The following PSTPIP1 variants were observed in gnomAD, a reference collection of about 807,000 sequenced individuals.
PSTPIP1 encodes the protein proline-serine-threonine phosphatase interacting protein 1.
In PSTPIP1, 66 loss-of-function variants were observed where a neutral mutation model predicts 69.6. That is an observed-to-expected ratio of 0.95 (90% CI 0.78 to 1.16). The LOEUF is 1.16. Ranked by LOEUF, PSTPIP1 falls within the 50% of genes most tolerant of loss-of-function variation. The probability of loss-of-function intolerance (pLI) is 0.00; values close to 1 mark genes in which losing one functional copy is unlikely to be tolerated. For synonymous variants in PSTPIP1, 266 were observed against 222.7 expected (o/e 1.19, Z -1.73); for missense variants, 603 against 557.4 (o/e 1.08, Z -0.82).
At position 77,035,498 on chromosome 15, in the gene PSTPIP1, C is replaced by A; in HGVS notation, c.930-10C>A. On this transcript the variant is annotated splice_polypyrimidine_tract_variant and intron_variant, in intron 12 of 14. Coordinates refer to ENST00000558012, the MANE Select transcript of PSTPIP1 (RefSeq NM_003978.5). ...CGGGGACACTCACCCTCTTTCCTCC[C>A]TGTTCCCAGGTTCTCTGGACTGCTG... 1 of 1,586,564 alleles carries A rather than the reference C, an allele frequency of 6.3e-7. No homozygotes were observed. The highest frequency in any genetic ancestry group is 8.6e-7 in the Non-Finnish European group (1 of 1,166,780).
At chr15:77,033,078 T>C (rs1324760005) in intron 12 of PSTPIP1, 126 bp downstream of exon 12, 3 of 966,768 alleles carry the variant, frequency 3.1e-6, no homozygotes, top group Non-Finnish European at 4.7e-6. Context: ...GGTGCCCAGT[T>C]TAGGTGCTGG....
intron 7 of PSTPIP1, 72 bp downstream of exon 7, chr15:77,028,724 G>A (rs190463341): frequency 9.6e-6 from 12 of 1,254,316 alleles, no homozygotes; most frequent in South Asian, 4.7e-5. Context: ...AAGGGGTGCC[G>A]TAGACACCCC....
intron 1 of PSTPIP1, among the ~76,000 whole-genome samples, chr15:77,008,261 G>A (rs2075860468): frequency 6.6e-6 from 1 of 152,154 alleles, no homozygotes; most frequent in Non-Finnish European, 1.5e-5. Flanking sequence ...AGGTGTGGCT[G>A]GTGCCAGGAC....
intron 1 of PSTPIP1, among the ~76,000 whole-genome samples, chr15:77,000,476 T>TATATACACAC (rs1033258180): frequency 1.4e-5 from 2 of 146,886 alleles, no homozygotes; most frequent in Admixed American, 1.4e-4. Flanking sequence ...TATATATATA[T>TATATACACAC]ACACACACAC....
intron 1 of PSTPIP1, among the ~76,000 whole-genome samples, chr15:77,012,288 C>A (rs1371631285): frequency 6.6e-6 from 1 of 150,376 alleles, no homozygotes. Flanking sequence ...CATCCACCCA[C>A]CCATCTACCC....
chr15:76,996,452 G>C (rs1178448814), intron 1 of PSTPIP1, among the ~76,000 whole-genome samples: 1 of 152,192 alleles, frequency 6.6e-6, no homozygotes, highest in African/African-American at 2.4e-5. Flanking sequence ...TCTCTGGTTG[G>C]AGCTGGGGAA....
At position 77,035,908 on chromosome 15, in the gene PSTPIP1, C is replaced by T; in HGVS notation, c.1092C>T (p.Tyr364=). ...ACCCGGCCTCACCAGCCCAGGAGTACCGGGCGCTCTACGATTATACAGCGC... is the reference window on the plus strand; with the variant it reads ...ACCCGGCCTCACCAGCCCAGGAGTATCGGGCGCTCTACGATTATACAGCGC... The part of the protein sequence containing the change: ...QGNPASPAQE[Y]RALYDYTAQN... The change falls in exon 14 of 15, where the codon TAC becomes TAT. Residue 364 remains tyrosine, a synonymous_variant. Transcript: ENST00000558012. The T allele has an allele frequency of 6.2e-7, 1 of 1,608,710 alleles. No homozygotes were observed. Among genetic ancestry groups the T allele is most frequent in the Non-Finnish European group, 8.5e-7 (1 of 1,178,914 alleles).
intron 3 of PSTPIP1, chr15:77,023,665 G>A (rs2076210762): frequency 6.6e-6 from 1 of 152,494 alleles, no homozygotes; most frequent in Non-Finnish European, 1.5e-5. Flanking sequence ...CGCTGAATTT[G>A]AGGTATCTGT....
intron 1 of PSTPIP1, among the ~76,000 whole-genome samples, chr15:77,010,394 C>G (rs1417380783): frequency 4.6e-5 from 7 of 152,208 alleles, no homozygotes; most frequent in Non-Finnish European, 1.0e-4. Flanking sequence ...GGAACCTGGT[C>G]CTGGTTCCTA....
intron 1 of PSTPIP1, among the ~76,000 whole-genome samples, chr15:77,013,523 C>A (rs541591360): frequency 6.6e-6 from 1 of 152,142 alleles, no homozygotes; most frequent in Non-Finnish European, 1.5e-5. Flanking sequence ...CTCCCTGGCA[C>A]CTGGGCAGGT....
intron 1 of PSTPIP1, among the ~76,000 whole-genome samples, chr15:77,000,872 T>C (rs1385622905): frequency 2.0e-5 from 3 of 152,122 alleles, no homozygotes; most frequent in Admixed American, 6.6e-5. Flanking sequence ...TATTTTAAAT[T>C]TTATTTTAAA....
intron 6 of PSTPIP1, among the ~76,000 whole-genome samples, 184 bp downstream of exon 6, chr15:77,028,098 C>A (rs1413991797): frequency 2.0e-5 from 3 of 152,036 alleles, no homozygotes; most frequent in Non-Finnish European, 4.4e-5. Flanking sequence ...GCGCTATGGC[C>A]CCGTGGGGAT....
chr15:77,025,704 G>C, intron 5 of PSTPIP1, 100 bp downstream of exon 5: 1 of 914,040 alleles, frequency 1.1e-6, no homozygotes, highest in East Asian at 3.0e-5. Flanking sequence ...GCCAGTGGAG[G>C]GCGGCAGGGG....
intron 1 of PSTPIP1, among the ~76,000 whole-genome samples, chr15:76,997,658 C>T (rs2075610185): frequency 6.6e-6 from 1 of 152,160 alleles, no homozygotes; most frequent in South Asian, 2.1e-4. Flanking sequence ...TTGCAGGATC[C>T]CTCTGTCTAT....
At chr15:77,014,915 C>T (rs778918807) in intron 1 of PSTPIP1, among the ~76,000 whole-genome samples, 5 of 152,232 alleles carry the variant, frequency 3.3e-5, no homozygotes, top group Non-Finnish European at 7.3e-5. Flanking sequence ...ACACCATGGA[C>T]GGCGAGGGCT....
intron 7 of PSTPIP1, among the ~76,000 whole-genome samples, chr15:77,029,299 C>G (rs577668796): frequency 6.6e-6 from 1 of 152,366 alleles, no homozygotes; most frequent in East Asian, 1.9e-4. Flanking sequence ...TCTCACTCTT[C>G]ACAGGCATCC....
At chr15:77,024,637 T>G (rs2076233017) in intron 3 of PSTPIP1, among the ~76,000 whole-genome samples, 1 of 152,220 alleles carries the variant, frequency 6.6e-6, no homozygotes, top group Non-Finnish European at 1.5e-5. Flanking sequence ...CATCTGAGAT[T>G]CACATTGCAC....
chr15:77,001,833 C>G (rs2075715043), intron 1 of PSTPIP1, among the ~76,000 whole-genome samples: 2 of 152,226 alleles, frequency 1.3e-5, no homozygotes, highest in South Asian at 4.1e-4. Flanking sequence ...GCACAGGGAG[C>G]TAATTAAAGT....
intron 1 of PSTPIP1, among the ~76,000 whole-genome samples, chr15:77,012,034 T>G (rs1277551477): frequency 1.3e-5 from 2 of 152,058 alleles, no homozygotes; most frequent in Non-Finnish European, 2.9e-5. Context: ...AGCTTTGGCT[T>G]GGAACTCTCC....
Sources: gnomAD v4.1 joint callset for allele counts (sites outside exome capture counted in the v4.1 genomes callset) on GRCh38, gnomAD v4.1.1 for gene constraint, MANE v1.5 for transcripts, NCBI Gene and HGNC (gene_info 2026-07-23, HGNC 2026-07-21) for gene names.